The following KIAA1549 variants were observed in gnomAD, a reference collection of about 807,000 sequenced individuals.
The protein encoded by KIAA1549 is UPF0606 protein KIAA1549.
A neutral mutation model predicts 156.4 loss-of-function variants in KIAA1549; 70 were observed. The ratio of observed to expected loss-of-function variants is 0.45; its 90% CI spans 0.37 to 0.55. KIAA1549 has a LOEUF of 0.55. Ranked by LOEUF, KIAA1549 falls within the 20% of genes least tolerant of loss-of-function variation. The probability of loss-of-function intolerance (pLI) is 0.00; values close to 1 mark genes in which losing one functional copy is unlikely to be tolerated. For synonymous variants in KIAA1549, 1,103 were observed against 1,066.4 expected, an observed-to-expected ratio of 1.03 and a Z score of -0.67; for missense variants, 2,428 against 2,540.9, an observed-to-expected ratio of 0.96 and a Z score of 0.96.
Position 138,906,858 on chromosome 7 carries a change from G to A in KIAA1549, c.3460+61C>T, listed in dbSNP as rs1399083521. 5.6e-6 allele frequency: 7 copies of A among 1,246,514 alleles called. No individual in the cohort carries two copies. In the East Asian group the frequency reaches 1.6e-4, roughly 29 times the overall value. 77.2% of individuals were successfully genotyped at this position (1,246,514 alleles called of 1,614,324 possible). On this transcript the variant is annotated intron_variant, in intron 6 of 19. Transcript: ENST00000422774. ...AAAAACTAAAAAAATTTTAAGAAGAGGTCTTCCACCAAAAATGCCCGCCAT... is the reference window on the plus strand; with the variant it reads ...AAAAACTAAAAAAATTTTAAGAAGAAGTCTTCCACCAAAAATGCCCGCCAT...
Position 138,903,689 on chromosome 7 carries a change from C to G in KIAA1549, c.3568G>C (p.Ala1190Pro). The change falls in exon 8 of 20, where the codon GCC becomes CCC. Residue 1190 changes from alanine (A) to proline (P), a missense_variant. Around this residue, in one of 5 missense-constraint regions of KIAA1549, gnomAD observed 762 missense variants for 901.6 expected, o/e 0.85. Coordinates refer to ENST00000422774, the MANE Select transcript of KIAA1549 (RefSeq NM_001164665.2). ...EKQLQNEVFQ[A>P]EMERKLAQLL... Reference sequence around the variant, plus strand: ...TGGGCCAGCTTGCGTTCCATCTCGGCTTGAAACACTTCATTCTGGAGTTGC... The same window carrying G: ...TGGGCCAGCTTGCGTTCCATCTCGGGTTGAAACACTTCATTCTGGAGTTGC... The G allele has an allele frequency of 6.2e-7, 1 of 1,608,436 alleles. No individual in the cohort carries two copies. Among genetic ancestry groups the G allele is most frequent in the South Asian group, 1.1e-5 (1 of 89,784 alleles).
chr7:138,846,741 A>G (rs917011425), intron 17 of KIAA1549, among the ~76,000 whole-genome samples: 2 of 152,026 alleles, frequency 1.3e-5, no homozygotes, highest in Non-Finnish European at 2.9e-5. Flanking sequence ...CTTGAGAACC[A>G]CTCTTCTGAA....
At chr7:138,924,753 T>C (rs1812664099) in intron 1 of KIAA1549, among the ~76,000 whole-genome samples, 2 of 152,202 alleles carry the variant, frequency 1.3e-5, no homozygotes, top group South Asian at 4.2e-4. Flanking sequence ...AGGAGGAGAC[T>C]AGAAAACCCA....
At chr7:138,847,525 G>T (rs1435981343) in intron 17 of KIAA1549, among the ~76,000 whole-genome samples, 1 of 152,198 alleles carries the variant, frequency 6.6e-6, no homozygotes, top group Non-Finnish European at 1.5e-5. Context: ...GCTGGGTTTG[G>T]TTTCTGAGAT....
chr7:138,838,392 T>A (rs1276810931), intron 19 of KIAA1549, among the ~76,000 whole-genome samples: 1 of 151,974 alleles, frequency 6.6e-6, no homozygotes, highest in East Asian at 1.9e-4. Context: ...TCGGGTGATA[T>A]CTGAGAGCTG....
At position 138,899,045 on chromosome 7, in the gene KIAA1549, C is replaced by A. The variant is rs762634255; in HGVS notation, c.3757G>T (p.Ala1253Ser). 1 of 1,613,310 alleles carries A rather than the reference C, an allele frequency of 6.2e-7. No individual in the cohort carries two copies. The highest frequency in any genetic ancestry group is 8.5e-7 in the Non-Finnish European group (1 of 1,179,288). ...VEDQDGERLS[A>S]VKSSDLINKM... Reference sequence around the variant, plus strand: ...TTAATCAGGTCCGAAGACTTGACTGCACTGAGTCTTTCTCCATCTTGATCC... The same window carrying A: ...TTAATCAGGTCCGAAGACTTGACTGAACTGAGTCTTTCTCCATCTTGATCC... Residue 1253 changes from alanine to serine, a missense_variant, in exon 9 of 20, where the codon GCA becomes TCA. Ala to Ser is a moderately conservative substitution (Grantham distance 99). Around this residue, in one of 5 missense-constraint regions of KIAA1549, gnomAD observed 762 missense variants for 901.6 expected, o/e 0.85. Transcript: ENST00000422774.
At position 138,927,774 on chromosome 7, in the gene KIAA1549, A is replaced by T. The variant is rs1812762704; in HGVS notation, c.188-8336T>A. 2.0e-5 allele frequency among the ~76,000 whole-genome samples: 3 copies of T among 152,208 alleles called. No homozygotes were observed. The South Asian group carries it at 6.2e-4, about 31-fold the overall frequency. ...AGCTTGATGGCCGCAAATCCTCACT[A>T]TGACTTGATAGCCCTAGATGTCCAC... On this transcript the variant is annotated intron_variant, in intron 1 of 19. Transcript: ENST00000422774.
At chr7:138,960,167 G>T (rs1049056849) in intron 1 of KIAA1549, among the ~76,000 whole-genome samples, 5 of 152,078 alleles carry the variant, frequency 3.3e-5, no homozygotes, top group Non-Finnish European at 7.4e-5. Flanking sequence ...TGGGCATGGT[G>T]GCTTACACCT....
intron 14 of KIAA1549, among the ~76,000 whole-genome samples, chr7:138,868,513 C>T (rs369655346): frequency 6.6e-6 from 1 of 152,134 alleles, no homozygotes; most frequent in East Asian, 1.9e-4. Flanking sequence ...CTGCAACCTC[C>T]ACTTCCCAGG....
At chr7:138,956,653 C>T (rs1375539474) in intron 1 of KIAA1549, among the ~76,000 whole-genome samples, 2 of 152,170 alleles carry the variant, frequency 1.3e-5, no homozygotes, top group East Asian at 1.9e-4. Context: ...GATTGTGATG[C>T]CTCCTCAGCC....
chr7:138,900,722 G>A (rs1811817792), intron 8 of KIAA1549, among the ~76,000 whole-genome samples: 1 of 152,190 alleles, frequency 6.6e-6, no homozygotes, highest in Admixed American at 6.5e-5. Flanking sequence ...GTTCCTGAGA[G>A]AGCTGGTGTT....
rs763061509 is a variant in KIAA1549 at position 138,917,979 on chromosome 7, C to T, written c.1647G>A (p.Thr549=). Residue 549 remains threonine (T), a synonymous_variant, in exon 2 of 20, where the codon ACG becomes ACA. Coordinates refer to ENST00000422774, the MANE Select transcript of KIAA1549 (RefSeq NM_001164665.2). ...AAAATGCAGTGGTCACGCTGGATGG[C>T]GTCACTTGGGTTTCAGCAACAGACA... ...GSLSVAETQV[T]PSSVTTAFFS... is the part of the protein sequence containing the mutation. The T allele has an allele frequency of 5.0e-6, 8 of 1,593,704 alleles. No homozygotes were observed. The East Asian group carries it at 6.8e-5, about 14-fold the overall frequency.
chr7:138,887,978 C>T (rs1028716528), intron 10 of KIAA1549, among the ~76,000 whole-genome samples: 6 of 152,170 alleles, frequency 3.9e-5, no homozygotes, highest in Non-Finnish European at 7.3e-5. Context: ...GGGAAGAGGA[C>T]GGCAGTGAGA....
chr7:138,864,314 C>T (rs1398708973), intron 15 of KIAA1549, among the ~76,000 whole-genome samples: 1 of 152,144 alleles, frequency 6.6e-6, no homozygotes, highest in Non-Finnish European at 1.5e-5. Context: ...TCAGAGAAGG[C>T]TAAACTTCTA....
chr7:138,903,749 G>T lies in KIAA1549; in HGVS notation c.3521-13C>A. 1 of 1,551,978 alleles carries T rather than the reference G, an allele frequency of 6.4e-7. No individual in the cohort carries two copies. The highest frequency in any genetic ancestry group is 8.7e-7 in the Non-Finnish European group (1 of 1,147,684). On this transcript the variant is annotated splice_polypyrimidine_tract_variant and intron_variant, in intron 7 of 19. Transcript: ENST00000422774. ...ACGCCCAGGAGAACTACATTTAAAT[G>T]AAAACATACGTGGCACCCAAAACAA...
intron 1 of KIAA1549, among the ~76,000 whole-genome samples, chr7:138,960,463 T>A (rs573179834): frequency 5.9e-5 from 9 of 151,842 alleles, no homozygotes; most frequent in African/African-American, 2.2e-4. Flanking sequence ...CACCCGCCAC[T>A]ATGCCTGGCT....
Position 138,867,971 on chromosome 7 carries a change from G to C in KIAA1549, c.4929+4C>G. The C allele has an allele frequency of 6.2e-7, 1 of 1,613,152 alleles. No individual in the cohort carries two copies. Among genetic ancestry groups the C allele is most frequent in the Non-Finnish European group, 8.5e-7 (1 of 1,179,284 alleles). On this transcript the variant is annotated splice_donor_region_variant and intron_variant, in intron 15 of 19. Transcript: ENST00000422774. ...TTCCAGAAACTGGAGTCGGTGGCAC[G>C]CACTGGGCATCCGATGTAGGCTGAG...
At position 138,937,491 on chromosome 7, in the gene KIAA1549, C is replaced by T. The variant is rs1813051033; in HGVS notation, c.188-18053G>A. ...TTAGCCAAGATAGAAAGGTCCCCTG[C>T]TCACAACTTTATGGCTGAGAAGAGG... On this transcript the variant is annotated intron_variant, in intron 1 of 19. Transcript: ENST00000422774. Among the ~76,000 whole-genome samples the T allele has an allele frequency of 2.0e-5, 3 of 152,122 alleles. No individual in the cohort carries two copies. In the South Asian group the frequency reaches 6.2e-4, roughly 32 times the overall value.
chr7:138,878,676 C>G (rs564880291), intron 12 of KIAA1549, among the ~76,000 whole-genome samples: 1 of 151,872 alleles, frequency 6.6e-6, no homozygotes. Context: ...GTGGGAGGAT[C>G]GCCTGAGCCT....
Sources: allele counts gnomAD v4.1 joint callset (sites outside exome capture counted in the v4.1 genomes callset), GRCh38; gene constraint gnomAD v4.1.1; regional missense constraint gnomAD v4.1.1; transcripts MANE v1.5; gene names NCBI Gene and HGNC (gene_info 2026-07-23, HGNC 2026-07-21).